Variants in CAMK1D observed in about 807,000 individuals in gnomAD.
CAMK1D encodes the protein calcium/calmodulin-dependent protein kinase type 1D.
In CAMK1D, 9 loss-of-function variants were observed where a neutral mutation model predicts 47.7. The observed-to-expected ratio is 0.19, with a 90% CI of 0.11 to 0.33. The LOEUF is 0.33. Ranked by LOEUF, CAMK1D falls within the 10% of genes least tolerant of loss-of-function variation. The probability of loss-of-function intolerance (pLI) is 1.00; values close to 1 mark genes in which losing one functional copy is unlikely to be tolerated. For missense variants in CAMK1D, 291 were observed against 488.7 expected (o/e 0.60, Z 3.81); for synonymous variants, 184 against 184.9 (o/e 0.99, Z 0.04).
chr10:12,412,047 G>A (rs1179342532), intron 1 of CAMK1D, among the ~76,000 whole-genome samples: 19 of 152,222 alleles, frequency 1.2e-4, no homozygotes, highest in Admixed American at 1.2e-3. Context: ...TGGTTTCTCA[G>A]GTGACAACTG....
intron 2 of CAMK1D, among the ~76,000 whole-genome samples, chr10:12,593,526 G>T (rs1417113089): frequency 1.3e-5 from 2 of 152,136 alleles, no homozygotes; most frequent in Non-Finnish European, 2.9e-5. Flanking sequence ...GGAGGCGGAG[G>T]TTGCGATGAG....
intron 1 of CAMK1D, among the ~76,000 whole-genome samples, chr10:12,425,397 T>C (rs567871744): frequency 6.6e-6 from 1 of 151,890 alleles, no homozygotes; most frequent in African/African-American, 2.4e-5. Flanking sequence ...TTCTCCTGCC[T>C]CAGCTTCCTG....
chr10:12,457,335 G>A (rs1432525113), intron 1 of CAMK1D, among the ~76,000 whole-genome samples: 8 of 151,736 alleles, frequency 5.3e-5, no homozygotes, highest in Admixed American at 5.3e-4. Context: ...ACGTTGCAGT[G>A]AGCCGAGATC....
intron 5 of CAMK1D, among the ~76,000 whole-genome samples, chr10:12,773,948 C>A (rs1837157719): frequency 6.6e-6 from 1 of 151,826 alleles, no homozygotes; most frequent in African/African-American, 2.4e-5. Context: ...CAAATTCTGA[C>A]CTCAGTATTA....
intron 2 of CAMK1D, among the ~76,000 whole-genome samples, chr10:12,617,935 G>A (rs569561498): frequency 6.6e-6 from 1 of 152,250 alleles, no homozygotes; most frequent in African/African-American, 2.4e-5. Flanking sequence ...GATTACAGCC[G>A]TTTATCTGTA....
intron 1 of CAMK1D, among the ~76,000 whole-genome samples, chr10:12,435,088 G>A (rs1171402013): frequency 6.6e-6 from 1 of 151,840 alleles, no homozygotes; most frequent in Non-Finnish European, 1.5e-5. Context: ...TGTGGTGGTG[G>A]TGTGGGTGCC....
intron 1 of CAMK1D, among the ~76,000 whole-genome samples, chr10:12,430,330 G>A (rs556295037): frequency 6.6e-5 from 10 of 152,290 alleles, no homozygotes; most frequent in Non-Finnish European, 1.2e-4. Context: ...GCCCCACAAG[G>A]CACTGACCAG....
chr10:12,828,799 TTTC>T lies in CAMK1D; in HGVS notation c.1077_1079del (p.Ser361del). ...GCACCTTCCACGCTCTGTAGTTTCA[TTTC>T]TTCTTCGTCGGGGGTCTCAGGAGTT... On this transcript the variant is annotated inframe_deletion, in exon 11 of 11. Coordinates refer to ENST00000619168, the MANE Select transcript of CAMK1D (RefSeq NM_153498.4). The T allele has an allele frequency of 1.9e-6, 3 of 1,613,904 alleles. No individual in the cohort carries two copies. The highest frequency in any genetic ancestry group is 8.5e-7 in the Non-Finnish European group (1 of 1,179,904).
intron 3 of CAMK1D, among the ~76,000 whole-genome samples, chr10:12,735,092 T>A (rs1835120045): frequency 6.6e-6 from 1 of 152,248 alleles, no homozygotes; most frequent in Admixed American, 6.5e-5. Flanking sequence ...GCTTTCTCTG[T>A]GTCTGCTTTT....
intron 2 of CAMK1D, among the ~76,000 whole-genome samples, chr10:12,613,576 G>A (rs1307337113): frequency 6.6e-6 from 1 of 152,196 alleles, no homozygotes; most frequent in Non-Finnish European, 1.5e-5. Flanking sequence ...CTCCGGGGGT[G>A]CAGGTGATTC....
At chr10:12,505,169 G>A (rs1170052759) in intron 1 of CAMK1D, among the ~76,000 whole-genome samples, 1 of 152,200 alleles carries the variant, frequency 6.6e-6, no homozygotes, top group African/African-American at 2.4e-5. Flanking sequence ...GTCCGTGTGA[G>A]CAGTCTAAGA....
At chr10:12,791,075 G>A in intron 5 of CAMK1D, 83 bp from the exon 6 acceptor site, 1 of 1,252,136 alleles carries the variant, frequency 8.0e-7, no homozygotes, top group Non-Finnish European at 1.2e-6. Context: ...TGAAAGTTCA[G>A]GCCAAATAGC....
chr10:12,525,115 A>G (rs1302382318), intron 1 of CAMK1D, among the ~76,000 whole-genome samples: 2 of 152,232 alleles, frequency 1.3e-5, no homozygotes, highest in Non-Finnish European at 2.9e-5. Context: ...ATTTTCCTGT[A>G]GATGGGTCAT....
intron 3 of CAMK1D, among the ~76,000 whole-genome samples, chr10:12,739,667 C>T (rs1835344235): frequency 6.6e-6 from 1 of 151,848 alleles, no homozygotes; most frequent in Admixed American, 6.6e-5. Flanking sequence ...TTCTGGGTGC[C>T]CTTTGGTGGT....
chr10:12,620,209 A>T (rs1308616683), intron 2 of CAMK1D, among the ~76,000 whole-genome samples: 12 of 135,440 alleles, frequency 8.9e-5, no homozygotes, highest in South Asian at 2.3e-4. Flanking sequence ...AAAAAAAAAA[A>T]AAAAAAAAAT....
chr10:12,359,470 T>C (rs184248403), intron 1 of CAMK1D, among the ~76,000 whole-genome samples: 96 of 151,588 alleles, frequency 6.3e-4, no homozygotes, highest in Admixed American at 1.6e-3. Context: ...GGTGCTGGAG[T>C]GACCTAGTTA....
At chr10:12,785,719 A>T (rs1251568338) in intron 5 of CAMK1D, among the ~76,000 whole-genome samples, 1 of 152,216 alleles carries the variant, frequency 6.6e-6, no homozygotes, top group African/African-American at 2.4e-5. Context: ...AACTGGTAAC[A>T]CAACACTGGC....
At chr10:12,446,715 T>G (rs11257794) in intron 1 of CAMK1D, among the ~76,000 whole-genome samples, 23,756 of 152,198 alleles carry the variant, frequency 0.16, 1,920 homozygotes, top group Middle Eastern at 0.21. Context: ...ATCCTTTCTC[T>G]TTTTGCAGTT....
chr10:12,553,650 T>C (rs1005570193), intron 2 of CAMK1D, among the ~76,000 whole-genome samples: 2 of 152,198 alleles, frequency 1.3e-5, no homozygotes, highest in Non-Finnish European at 2.9e-5. Context: ...GTGGGCCGGC[T>C]ACAGAGCCCT....
Sources: gnomAD v4.1 joint callset for allele counts (sites outside exome capture counted in the v4.1 genomes callset) on GRCh38, gnomAD v4.1.1 for gene constraint, MANE v1.5 for transcripts, NCBI Gene and HGNC (gene_info 2026-07-23, HGNC 2026-07-21) for gene names.